SCUBE2: variants seen among roughly 807,000 people sequenced by gnomAD.
The protein encoded by SCUBE2 is signal peptide, CUB and EGF-like domain-containing protein 2.
Under a neutral mutation model 125.9 loss-of-function variants are expected in SCUBE2, and 114 were observed. The observed-to-expected ratio is 0.91, with a 90% CI of 0.78 to 1.06. The LOEUF is 1.06. Ranked by LOEUF, SCUBE2 falls within the 50% of genes least tolerant of loss-of-function variation. SCUBE2 has a pLI of 0.00. For synonymous variants in SCUBE2, 459 were observed against 492.9 expected, an observed-to-expected ratio of 0.93 and a Z score of 0.91; for missense variants, 1,255 against 1,301.8, an observed-to-expected ratio of 0.96 and a Z score of 0.55.
rs766043125 is a variant in SCUBE2, at chr11:9,053,202, G to C, written c.1344C>G (p.Leu448=). The change falls in exon 12 of 23, where the codon CTC becomes CTG. Residue 448 remains leucine, a synonymous_variant. Transcript: ENST00000649792. ...CACGGGGTGACACACTTGTGGGCAG[G>C]AGCCCCTTCACTTCTAGACAGGACA... ...NKKDCVEVKG[L]LPTSVSPRVS... is the part of the protein sequence containing the mutation. 7 of 1,614,022 alleles carry C rather than the reference G, an allele frequency of 4.3e-6. No homozygotes were observed. Among genetic ancestry groups the C allele is most frequent in the Non-Finnish European group, 5.1e-6 (6 of 1,179,880 alleles).
intron 16 of SCUBE2, 145 bp downstream of exon 16, chr11:9,047,211 C>T: frequency 2.5e-6 from 2 of 793,772 alleles, no homozygotes; most frequent in Non-Finnish European, 4.1e-6. Flanking sequence ...ACAAACGCAA[C>T]AGTTACTGAA....
At chr11:9,048,209 G>A in intron 14 of SCUBE2, 111 bp from the exon 15 acceptor site, 1 of 1,071,178 alleles carries the variant, frequency 9.3e-7, no homozygotes, top group African/African-American at 1.6e-5. Flanking sequence ...GGGACTAAGT[G>A]ATTATCTCCA....
At chr11:9,064,548 G>C (rs1006448300) in intron 7 of SCUBE2, 1 of 151,764 alleles carries the variant, frequency 6.6e-6, no homozygotes, top group Non-Finnish European at 1.5e-5. Flanking sequence ...GGGGGAGGAG[G>C]AGCCAGAAGA....
chr11:9,028,055 AATT>A (rs536853114), intron 19 of SCUBE2, among the ~76,000 whole-genome samples: 8 of 152,206 alleles, frequency 5.3e-5, no homozygotes, highest in Admixed American at 4.6e-4. Context: ...CTTTTAAAAA[AATT>A]ATTATTATTT....
In SCUBE2 at chr11:9,019,513, A is replaced by AT. The variant is rs139208814; in HGVS notation, c.*1531dup. Among the ~76,000 whole-genome samples the AT allele has an allele frequency of 0.32, 48,025 of 149,670 alleles. 9,286 individuals carry two copies. Among genetic ancestry groups the AT allele is most frequent in the Non-Finnish European group, 0.43 (28,893 of 67,384 alleles). ...AAGTCCAAGTGCTTGTTTTAATGCT[A>AT]TTTTTTTTTTAATGATGATGTTCAA... On this transcript the variant is annotated 3_prime_UTR_variant, in exon 23 of 23. Coordinates refer to ENST00000649792, the MANE Select transcript of SCUBE2 (RefSeq NM_001367977.2).
rs773517452 is a variant in SCUBE2, at chr11:9,029,951, A to G, written c.2436T>C (p.Asn812=). The G allele has an allele frequency of 1.2e-6, 2 of 1,614,094 alleles. No individual in the cohort carries two copies. Among genetic ancestry groups the G allele is most frequent in the Admixed American group, 1.7e-5 (1 of 59,996 alleles). ...TAGTATTTCCTGGGCAAGAAACACA[A>G]TTATTTTTTCCAAATTCAGGCTGGT... ...GTYQPEFGKN[N]CVSCPGNTTT... Residue 812 remains asparagine (N), a synonymous_variant, in exon 19 of 23, where the codon AAT becomes AAC. Transcript: ENST00000649792.
chr11:9,042,834 G>T (rs1857373243), intron 16 of SCUBE2, among the ~76,000 whole-genome samples: 2 of 152,100 alleles, frequency 1.3e-5, no homozygotes, highest in Non-Finnish European at 2.9e-5. Context: ...CCCAAATGCT[G>T]CTCATTTTCC....
chr11:9,038,606 C>T (rs1323483718), intron 16 of SCUBE2, among the ~76,000 whole-genome samples: 1 of 152,068 alleles, frequency 6.6e-6, no homozygotes, highest in East Asian at 1.9e-4. Flanking sequence ...CAGAGCAAGA[C>T]CCTGTCTAAA....
In SCUBE2 at chr11:9,052,982, G is replaced by A. The variant is rs117859293; in HGVS notation, c.1447+117C>T. On this transcript the variant is annotated intron_variant, in intron 12 of 22. Coordinates refer to ENST00000649792, the MANE Select transcript of SCUBE2 (RefSeq NM_001367977.2). ...TCGAAGCATGGACCTCTCAAAGCAC[G>A]GTGGTCGGGGCATCTGGCGGAGGAC... 3.9e-5 allele frequency: 41 copies of A among 1,052,288 alleles called. No individual in the cohort carries two copies. In the East Asian group the frequency reaches 8.1e-4, roughly 21 times the overall value. The allele number at this position is 1,052,288 out of a possible 1,614,324, so 65.2% of individuals were successfully genotyped here. A position where few individuals can be genotyped will look rare whatever the true frequency, so the allele number is the denominator to read the frequency against.
chr11:9,089,003 A>G (rs75575824), intron 2 of SCUBE2, among the ~76,000 whole-genome samples: 6,435 of 152,288 alleles, frequency 0.042, 190 homozygotes, highest in South Asian at 0.074. Flanking sequence ...GTCAGCTCCA[A>G]TGTGTCATGA....
At chr11:9,065,202 T>C (rs1440805168) in intron 7 of SCUBE2, 1 of 152,132 alleles carries the variant, frequency 6.6e-6, no homozygotes, top group African/African-American at 2.4e-5. Context: ...GGCCAGGCTT[T>C]ATGTCCCCAC....
intron 10 of SCUBE2, among the ~76,000 whole-genome samples, chr11:9,054,725 A>ATATATATATATTTTTTTTT (rs1368153935): frequency 9.0e-5 from 2 of 22,346 alleles, no homozygotes; most frequent in Non-Finnish European, 1.4e-4. Flanking sequence ...ATATATATAT[A>ATATATATATATTTTTTTTT]TTTTTTTTTT....
At chr11:9,024,396 T>C (rs1236506385) in intron 21 of SCUBE2, 2 of 1,288,712 alleles carry the variant, frequency 1.6e-6, no homozygotes, top group Non-Finnish European at 1.0e-6. Flanking sequence ...GGTGTTTGTT[T>C]GACATTATTT....
chr11:9,090,738 C>G (rs1190678195), intron 1 of SCUBE2, among the ~76,000 whole-genome samples: 1 of 151,992 alleles, frequency 6.6e-6, no homozygotes, highest in Non-Finnish European at 1.5e-5. Context: ...AACCTGGAAA[C>G]CCGCCTTGGC....
intron 17 of SCUBE2, 140 bp from the exon 18 acceptor site, chr11:9,031,065 A>C (rs1473843138): frequency 1.4e-6 from 1 of 708,218 alleles, no homozygotes; most frequent in Non-Finnish European, 2.3e-6. Context: ...GCACACAGTC[A>C]ATGCTGTGGT....
chr11:9,087,101 A>C (rs1233442487), intron 2 of SCUBE2, among the ~76,000 whole-genome samples: 1 of 152,074 alleles, frequency 6.6e-6, no homozygotes, highest in Non-Finnish European at 1.5e-5. Context: ...ATTTATATAT[A>C]TATATGGCAC....
chr11:9,072,815 T>C (rs562456619), intron 4 of SCUBE2, among the ~76,000 whole-genome samples: 8 of 152,220 alleles, frequency 5.3e-5, no homozygotes, highest in South Asian at 2.1e-4. Flanking sequence ...TCCAAGAATG[T>C]CTGAATTGTA....
At chr11:9,026,096 G>A in intron 20 of SCUBE2, 1 of 425,960 alleles carries the variant, frequency 2.3e-6, no homozygotes. Flanking sequence ...CAGCAGCCCA[G>A]GCTGTACCGT....
Position 9,059,397 on chromosome 11 carries a change from T to C in SCUBE2, c.996A>G (p.Gly332=). 6.2e-7 allele frequency: 1 copy of C among 1,614,090 alleles called. No homozygotes were observed. Among genetic ancestry groups the C allele is most frequent in the East Asian group, 2.2e-5 (1 of 44,890 alleles). ...TGTTTTTGCAGAAATGATCACAACC[T>C]CCATTGCGGGTCTGGCACTCATCAA... ...KDIDECQTRN[G]GCDHFCKNIV... The change falls in exon 9 of 23, where the codon GGA becomes GGG. Residue 332 remains glycine, a synonymous_variant. Coordinates refer to ENST00000649792, the MANE Select transcript of SCUBE2 (RefSeq NM_001367977.2).
Sources: allele counts gnomAD v4.1 joint callset (sites outside exome capture counted in the v4.1 genomes callset), GRCh38; gene constraint gnomAD v4.1.1; transcripts MANE v1.5; gene names NCBI Gene and HGNC (gene_info 2026-07-23, HGNC 2026-07-21).